The following LMX1B variants were observed in gnomAD, a reference collection of about 807,000 sequenced individuals.
LMX1B encodes the protein LIM homeobox transcription factor 1 beta, also known as LIM homeobox transcription factor 1-beta.
Under a neutral mutation model 51.4 loss-of-function variants are expected in LMX1B, and 12 were observed. The observed-to-expected ratio is 0.23, with a 90% CI of 0.15 to 0.38. The LOEUF is 0.38. LMX1B is among the 10% of genes least tolerant of loss of function. LMX1B has a pLI of 1.00. For synonymous variants in LMX1B, 237 were observed against 235.4 expected (o/e 1.01, Z -0.06); for missense variants, 445 against 571.1 (o/e 0.78, Z 2.25).
intron 2 of LMX1B, among the ~76,000 whole-genome samples, chr9:126,678,011 A>T (rs575581322): frequency 3.9e-5 from 6 of 152,282 alleles, no homozygotes; most frequent in African/African-American, 1.4e-4. Context: ...TCAGAGGGTG[A>T]TTAGAATGTG....
rs530743007 is a variant in LMX1B at position 126,625,946 on chromosome 9, T to C, written c.326+10377T>C. On this transcript the variant is annotated intron_variant, in intron 2 of 7. Transcript: ENST00000373474. This position sits in a 1 kb window ranked among gnomAD's most constrained non-coding sequence, Gnocchi z 5.3. Reference sequence around the variant, plus strand: ...GCGGGCGTCGGAGAAGCGGCCGCGCTGTTCCGGGTCACTGCACCGGCTGAA... The same window carrying C: ...GCGGGCGTCGGAGAAGCGGCCGCGCCGTTCCGGGTCACTGCACCGGCTGAA... 3.9e-5 allele frequency among the ~76,000 whole-genome samples: 6 copies of C among 152,330 alleles called. No individual in the cohort carries two copies. In the South Asian group the frequency reaches 1.2e-3, roughly 32 times the overall value.
intron 2 of LMX1B, among the ~76,000 whole-genome samples, chr9:126,655,153 T>A (rs1836088372): frequency 6.6e-6 from 1 of 152,222 alleles, no homozygotes; most frequent in African/African-American, 2.4e-5. Context: ...CATGGGATAA[T>A]CAACTTTTTG....
At chr9:126,630,172 A>G (rs1381587621) in intron 2 of LMX1B, among the ~76,000 whole-genome samples, 1 of 151,574 alleles carries the variant, frequency 6.6e-6, no homozygotes, top group Non-Finnish European at 1.5e-5. Flanking sequence ...AAAAAAAAAA[A>G]AAAAAAAAGC....
intron 2 of LMX1B, among the ~76,000 whole-genome samples, chr9:126,622,399 C>G (rs1052180495): frequency 6.6e-6 from 1 of 152,196 alleles, no homozygotes; most frequent in African/African-American, 2.4e-5. Context: ...CCCAGAGCAA[C>G]AGCGATGCCC....
chr9:126,636,771 C>T (rs1199875631), intron 2 of LMX1B, among the ~76,000 whole-genome samples: 1 of 152,178 alleles, frequency 6.6e-6, no homozygotes, highest in Admixed American at 6.5e-5. Flanking sequence ...GCTCACCCAG[C>T]ATCCGGCACA....
rs773510108 is a variant in LMX1B at position 126,695,854 on chromosome 9, G to T, written c.902G>T (p.Arg301Leu). ...QRLGQEVLSS[R>L]MEGMMASYTP... ...GTGCCCCCAGAGGTCCTGTCCAGCCGCATGGAGGGCATGATGGCTTCCTAC... is the reference window on the plus strand; with the variant it reads ...GTGCCCCCAGAGGTCCTGTCCAGCCTCATGGAGGGCATGATGGCTTCCTAC... The change falls in exon 7 of 8, where the codon CGC (arginine) becomes CTC (leucine). Residue 301 changes from arginine to leucine, a missense_variant. Physicochemically the swap from Arg to Leu is moderately radical, Grantham distance 102 (BLOSUM62 -2). This residue lies in a region of LMX1B where 162 missense variants were observed against 187.8 expected (regional missense o/e 0.86). Coordinates refer to ENST00000373474, the MANE Select transcript of LMX1B (RefSeq NM_001174147.2). The surrounding 1 kb of genome is among the most constrained non-coding windows in gnomAD (Gnocchi z 5.2). 6.2e-7 allele frequency: 1 copy of T among 1,613,020 alleles called. No individual in the cohort carries two copies. The highest frequency in any genetic ancestry group is 8.5e-7 in the Non-Finnish European group (1 of 1,179,692).
At chr9:126,619,626 T>A (rs945574895) in intron 2 of LMX1B, among the ~76,000 whole-genome samples, 36 of 152,340 alleles carry the variant, frequency 2.4e-4, no homozygotes, top group Non-Finnish European at 1.3e-4. Context: ...GGGGACCCTC[T>A]GGCCCTTTGG....
chr9:126,657,503 C>T (rs1008746300), intron 2 of LMX1B, among the ~76,000 whole-genome samples: 3 of 152,188 alleles, frequency 2.0e-5, no homozygotes, highest in African/African-American at 7.2e-5. Context: ...CAGGGGATGC[C>T]TGCCTGCATC....
At chr9:126,696,191 C>A in intron 7 of LMX1B, 103 bp from the exon 8 acceptor site, 1 of 1,277,962 alleles carries the variant, frequency 7.8e-7, no homozygotes, top group Non-Finnish European at 1.1e-6. Context: ...AGCAGGCCAT[C>A]CTGTCTCTCC....
At chr9:126,694,496 C>A (rs143806081) in intron 6 of LMX1B, among the ~76,000 whole-genome samples, 1 of 152,294 alleles carries the variant, frequency 6.6e-6, no homozygotes, top group East Asian at 1.9e-4. Flanking sequence ...TGGGCTTTAC[C>A]AAAAATCGTG....
rs574893649 is a variant in LMX1B, at chr9:126,696,488, T to TG, written c.*44dup. 76 of 1,610,416 alleles carry TG rather than the reference T, an allele frequency of 4.7e-5. 1 individual carries two copies. Among genetic ancestry groups the TG allele is most frequent in the African/African-American group, 3.9e-4 (29 of 74,958 alleles). ...GCGCACGGACGCTTGGGCAGGGGCC[T>TG]GGGGGGGACTGCCAGCCTCTGCGGC... On this transcript the variant is annotated 3_prime_UTR_variant, in exon 8 of 8. Coordinates refer to ENST00000373474, the MANE Select transcript of LMX1B (RefSeq NM_001174147.2).
intron 2 of LMX1B, among the ~76,000 whole-genome samples, chr9:126,675,778 G>A (rs769633724): frequency 2.0e-5 from 3 of 148,436 alleles, no homozygotes; most frequent in Non-Finnish European, 4.5e-5. Context: ...GGCCGGGCGC[G>A]GTGGCTCACG....
chr9:126,624,803 C>G (rs1261058311), intron 2 of LMX1B, among the ~76,000 whole-genome samples: 1 of 151,954 alleles, frequency 6.6e-6, no homozygotes, highest in African/African-American at 2.4e-5. Flanking sequence ...CCCTAAACCC[C>G]GTTTTTCTCC....
chr9:126,633,546 GTTC>G (rs769465207), intron 2 of LMX1B, among the ~76,000 whole-genome samples: 1 of 152,138 alleles, frequency 6.6e-6, no homozygotes, highest in Non-Finnish European at 1.5e-5. Context: ...CTGGGGCAGG[GTTC>G]TTCTTCTTCC....
chr9:126,630,161 C>CAA (rs386416246), intron 2 of LMX1B, among the ~76,000 whole-genome samples: 45,439 of 83,530 alleles, frequency 0.54, 11,885 homozygotes, highest in Middle Eastern at 0.65. Flanking sequence ...GACTCCGTCT[C>CAA]AAAAAAAAAA....
intron 2 of LMX1B, among the ~76,000 whole-genome samples, chr9:126,653,703 A>G (rs2118907227): frequency 6.6e-6 from 1 of 152,190 alleles, no homozygotes; most frequent in East Asian, 1.9e-4. Context: ...CTGCCCCCAC[A>G]GGATCCCTCC....
intron 2 of LMX1B, among the ~76,000 whole-genome samples, chr9:126,682,245 C>T (rs1836690198): frequency 6.6e-6 from 1 of 151,878 alleles, no homozygotes; most frequent in African/African-American, 2.4e-5. Flanking sequence ...GGCCTTTGCA[C>T]TGGCTCCTCC....
At chr9:126,623,284 A>G (rs1488868187) in intron 2 of LMX1B, among the ~76,000 whole-genome samples, 1 of 152,114 alleles carries the variant, frequency 6.6e-6, no homozygotes, top group African/African-American at 2.4e-5. Context: ...ATGGGCCCTC[A>G]TTACTACTGA....
rs1327760613 is a variant in LMX1B at position 126,677,752 on chromosome 9, G to A, written c.327-13084G>A. Among the ~76,000 whole-genome samples, 4 of 152,206 alleles carry A rather than the reference G, an allele frequency of 2.6e-5. No homozygotes were observed. The South Asian group carries it at 8.3e-4, about 31-fold the overall frequency. Reference sequence around the variant, plus strand: ...TCTGCCAGCTTCATTCACAGCCTGCGTTCAAACATTCGAGCAGGAGCACAG... The same window carrying A: ...TCTGCCAGCTTCATTCACAGCCTGCATTCAAACATTCGAGCAGGAGCACAG... On this transcript the variant is annotated intron_variant, in intron 2 of 7. Transcript: ENST00000373474. The surrounding 1 kb of genome is among the most constrained non-coding windows in gnomAD (Gnocchi z 5.0).
Sources: allele counts gnomAD v4.1 joint callset (sites outside exome capture counted in the v4.1 genomes callset), GRCh38; gene constraint gnomAD v4.1.1; regional missense constraint gnomAD v4.1.1; non-coding constraint Gnocchi (gnomAD v3.1); transcripts MANE v1.5; gene names NCBI Gene and HGNC (gene_info 2026-07-23, HGNC 2026-07-21).